Variants in KCNH7 observed in about 807,000 individuals in gnomAD.
The protein encoded by KCNH7 is potassium voltage-gated channel subfamily H member 7.
KCNH7 carries 49 observed loss-of-function variants against 120.8 expected under a neutral mutation model. The ratio of observed to expected loss-of-function variants is 0.41; its 90% CI spans 0.32 to 0.51. The LOEUF (loss-of-function observed/expected upper bound fraction) is 0.51, where lower values mean the gene tolerates loss of function less well. Ranked by LOEUF, KCNH7 falls within the 20% of genes least tolerant of loss-of-function variation. KCNH7 has a pLI of 0.38. For missense variants in KCNH7, 1,097 were observed against 1,446.6 expected (o/e 0.76, Z 3.92); for synonymous variants, 547 against 516.1 (o/e 1.06, Z -0.81).
chr2:162,551,791 G>A (rs1038651002), intron 2 of KCNH7, among the ~76,000 whole-genome samples: 1 of 152,090 alleles, frequency 6.6e-6, no homozygotes, highest in Non-Finnish European at 1.5e-5. Flanking sequence ...TTATTTTAAT[G>A]ATCCATGTGT....
intron 5 of KCNH7, among the ~76,000 whole-genome samples, chr2:162,506,247 G>A (rs1163222938): frequency 6.6e-6 from 1 of 151,718 alleles, no homozygotes; most frequent in Non-Finnish European, 1.5e-5. Context: ...AGAAATAAGA[G>A]CCAATAGTGG....
At chr2:162,620,197 T>C (rs1230686609) in intron 2 of KCNH7, among the ~76,000 whole-genome samples, 1 of 150,480 alleles carries the variant, frequency 6.6e-6, no homozygotes, top group Non-Finnish European at 1.5e-5. Flanking sequence ...ATGTATCCTT[T>C]TATTTTATAT....
At chr2:162,720,300 A>G (rs1471976149) in intron 2 of KCNH7, among the ~76,000 whole-genome samples, 1 of 65,350 alleles carries the variant, frequency 1.5e-5, no homozygotes, top group Non-Finnish European at 2.3e-5. Flanking sequence ...ATGTGTGATT[A>G]AAAAAAAAAA....
chr2:162,396,098 T>C (rs1052728446), intron 11 of KCNH7, among the ~76,000 whole-genome samples: 4 of 151,736 alleles, frequency 2.6e-5, no homozygotes, highest in East Asian at 3.9e-4. Flanking sequence ...TAAGGGCACA[T>C]TTTCACAGTA....
At chr2:162,706,104 A>G (rs1387005483) in intron 2 of KCNH7, among the ~76,000 whole-genome samples, 2 of 152,096 alleles carry the variant, frequency 1.3e-5, no homozygotes, top group Non-Finnish European at 2.9e-5. Flanking sequence ...TTTGTGCTCC[A>G]TTACACAAAG....
chr2:162,491,732 T>C (rs1333245694), intron 6 of KCNH7, among the ~76,000 whole-genome samples: 1 of 152,112 alleles, frequency 6.6e-6, no homozygotes, highest in Non-Finnish European at 1.5e-5. Flanking sequence ...TGGGACACCA[T>C]TATTTCTCTC....
chr2:162,787,913 C>A (rs1683771774), intron 2 of KCNH7, among the ~76,000 whole-genome samples: 1 of 152,164 alleles, frequency 6.6e-6, no homozygotes, highest in African/African-American at 2.4e-5. Flanking sequence ...CCTAAGGACT[C>A]CAGCAGCAAG....
At chr2:162,442,665 C>T (rs1478186263) in intron 7 of KCNH7, among the ~76,000 whole-genome samples, 1 of 151,920 alleles carries the variant, frequency 6.6e-6, no homozygotes, top group Non-Finnish European at 1.5e-5. Flanking sequence ...CAAGATCAGC[C>T]TGGACAACAT....
intron 2 of KCNH7, among the ~76,000 whole-genome samples, chr2:162,674,039 A>G (rs1278347149): frequency 1.3e-5 from 2 of 151,928 alleles, no homozygotes; most frequent in African/African-American, 2.4e-5. Context: ...GCTAGTAAAT[A>G]TAATCTAGCC....
chr2:162,530,450 G>A (rs921851514), intron 3 of KCNH7, among the ~76,000 whole-genome samples: 20 of 151,184 alleles, frequency 1.3e-4, no homozygotes, highest in Non-Finnish European at 1.5e-4. Flanking sequence ...TCTGAGACAC[G>A]CTAGTGTGCG....
chr2:162,768,369 C>T (rs977567910), intron 2 of KCNH7, among the ~76,000 whole-genome samples: 1 of 151,830 alleles, frequency 6.6e-6, no homozygotes, highest in Non-Finnish European at 1.5e-5. Context: ...TTATGTTTTA[C>T]CACATGGAGG....
intron 4 of KCNH7, among the ~76,000 whole-genome samples, chr2:162,514,603 T>C (rs898106127): frequency 2.6e-5 from 4 of 151,736 alleles, no homozygotes; most frequent in African/African-American, 9.7e-5. Context: ...TTGTAGCAGT[T>C]TGGCAGAGTA....
At chr2:162,418,922 T>G (rs1687618458) in intron 9 of KCNH7, among the ~76,000 whole-genome samples, 1 of 151,958 alleles carries the variant, frequency 6.6e-6, no homozygotes, top group Non-Finnish European at 1.5e-5. Context: ...TCACTCAGCA[T>G]CTCACTATGA....
chr2:162,383,101 T>C (rs1686471104), intron 13 of KCNH7, among the ~76,000 whole-genome samples: 1 of 151,954 alleles, frequency 6.6e-6, no homozygotes. Context: ...TCATTGTCAG[T>C]GAGAGTCATT....
chr2:162,428,798 A>G (rs1687958006), intron 8 of KCNH7, among the ~76,000 whole-genome samples: 1 of 151,906 alleles, frequency 6.6e-6, no homozygotes, highest in Non-Finnish European at 1.5e-5. Flanking sequence ...GAAGTTAATA[A>G]CGCTACATTG....
intron 2 of KCNH7, among the ~76,000 whole-genome samples, chr2:162,548,556 A>T (rs1321708233): frequency 1.3e-5 from 2 of 151,984 alleles, no homozygotes; most frequent in African/African-American, 4.8e-5. Flanking sequence ...ACAGAGAAGG[A>T]TGAAGGATGA....
rs182497805 is a variant in KCNH7 at position 162,610,483 on chromosome 2, T to C, written c.308-73403A>G. Among the ~76,000 whole-genome samples the C allele has an allele frequency of 5.3e-4, 80 of 152,358 alleles. 1 individual carries two copies. The East Asian group carries it at 0.012, about 23-fold the overall frequency. On this transcript the variant is annotated intron_variant, in intron 2 of 15. Transcript: ENST00000332142. ...CCATTGAGCCAGAAAATAAAAGTGG[T>C]TAGAACATTGTATTTGTATGTGTAT...
Position 162,654,443 on chromosome 2 carries a change from G to A in KCNH7, c.308-117363C>T, listed in dbSNP as rs1559066245. ...AGAGAAAGGCAAATTAAACCCACAC[G>A]AGATACCACCTCCTACCTATTAAAA... On this transcript the variant is annotated intron_variant, in intron 2 of 15. Coordinates refer to ENST00000332142, the MANE Select transcript of KCNH7 (RefSeq NM_033272.4). Among the ~76,000 whole-genome samples, 5 of 151,476 alleles carry A rather than the reference G, an allele frequency of 3.3e-5. No individual in the cohort carries two copies. In the Middle Eastern group the frequency reaches 0.017, roughly 519 times the overall value.
At position 162,611,295 on chromosome 2, in the gene KCNH7, C is replaced by G. The variant is rs897121794; in HGVS notation, c.308-74215G>C. Among the ~76,000 whole-genome samples the G allele has an allele frequency of 2.0e-5, 3 of 152,074 alleles. No homozygotes were observed. The East Asian group carries it at 5.8e-4, about 29-fold the overall frequency. On this transcript the variant is annotated intron_variant, in intron 2 of 15. Coordinates refer to ENST00000332142, the MANE Select transcript of KCNH7 (RefSeq NM_033272.4). ...GAATTACACAGGCCTTATTCATTAT[C>G]GAAGAGTTCTAGCAGGACAAGCAGG...
Sources: gnomAD v4.1 joint callset for allele counts (sites outside exome capture counted in the v4.1 genomes callset) on GRCh38, gnomAD v4.1.1 for gene constraint, MANE v1.5 for transcripts, NCBI Gene and HGNC (gene_info 2026-07-23, HGNC 2026-07-21) for gene names.